CDYL2: variants seen among roughly 807,000 people sequenced by gnomAD.
CDYL2 encodes the protein chromodomain Y like 2.
A neutral mutation model predicts 49.4 loss-of-function variants in CDYL2; 23 were observed. The observed-to-expected ratio is 0.47, with a 90% CI of 0.34 to 0.66. CDYL2 has a LOEUF of 0.66. Ranked by LOEUF, CDYL2 falls within the 30% of genes least tolerant of loss-of-function variation. The pLI is 0.01. For missense variants in CDYL2, 678 were observed against 656.4 expected, an observed-to-expected ratio of 1.03 and a Z score of -0.36; for synonymous variants, 360 against 268.8, an observed-to-expected ratio of 1.34 and a Z score of -3.32.
intron 1 of CDYL2, among the ~76,000 whole-genome samples, chr16:80,738,279 G>A (rs1468348503): frequency 2.0e-5 from 3 of 152,236 alleles, no homozygotes; most frequent in East Asian, 1.9e-4. Flanking sequence ...GTGGGCATTC[G>A]GGTTGGTTAC....
chr16:80,733,216 CA>C (rs200992655), intron 1 of CDYL2, among the ~76,000 whole-genome samples: 103 of 152,026 alleles, frequency 6.8e-4, no homozygotes, highest in African/African-American at 2.2e-3. Context: ...AATCAGTGGT[CA>C]AAAAAAGCTC....
intron 1 of CDYL2, among the ~76,000 whole-genome samples, chr16:80,693,212 T>G (rs1910487237): frequency 6.6e-6 from 1 of 152,114 alleles, no homozygotes; most frequent in Non-Finnish European, 1.5e-5. Flanking sequence ...ATAATTGGAT[T>G]TGCGTGGTGA....
At chr16:80,730,673 C>A (rs1454596989) in intron 1 of CDYL2, among the ~76,000 whole-genome samples, 5 of 152,178 alleles carry the variant, frequency 3.3e-5, no homozygotes, top group Non-Finnish European at 5.9e-5. Context: ...AGACCAATAC[C>A]CTTGATGAAC....
At chr16:80,770,225 T>C (rs1906861332) in intron 1 of CDYL2, among the ~76,000 whole-genome samples, 1 of 152,194 alleles carries the variant, frequency 6.6e-6, no homozygotes, top group African/African-American at 2.4e-5. Flanking sequence ...CATATAATCC[T>C]GAAGGACTTT....
intron 1 of CDYL2, among the ~76,000 whole-genome samples, chr16:80,705,835 G>C (rs535253822): frequency 6.6e-6 from 1 of 152,372 alleles, no homozygotes; most frequent in East Asian, 1.9e-4. Flanking sequence ...GATTTGGCCT[G>C]TGGCCATAGT....
chr16:80,612,545 T>C lies in CDYL2; in HGVS notation c.1218+81A>G. Reference sequence around the variant, plus strand: ...CAGGCTGACAACACCCTCAGGTTTCTAGCCCCATGAAGAGCCCCTAAACCC... The same window carrying C: ...CAGGCTGACAACACCCTCAGGTTTCCAGCCCCATGAAGAGCCCCTAAACCC... On this transcript the variant is annotated intron_variant, in intron 5 of 6. Transcript: ENST00000570137. This position sits in a 1 kb window ranked among gnomAD's most constrained non-coding sequence, Gnocchi z 5.0. 7.2e-7 allele frequency: 1 copy of C among 1,380,206 alleles called. No homozygotes were observed. Among genetic ancestry groups the C allele is most frequent in the Admixed American group, 2.2e-5 (1 of 44,506 alleles). 85.5% of individuals were successfully genotyped at this position (1,380,206 alleles called of 1,614,324 possible).
intron 2 of CDYL2, chr16:80,679,678 T>C (rs1909896059): frequency 2.2e-6 from 1 of 455,952 alleles, no homozygotes; most frequent in East Asian, 6.9e-5. Context: ...TACAAAGTCT[T>C]ATGAATGCCA....
At chr16:80,708,783 A>G (rs1223939090) in intron 1 of CDYL2, among the ~76,000 whole-genome samples, 3 of 152,220 alleles carry the variant, frequency 2.0e-5, no homozygotes, top group Admixed American at 1.3e-4. Flanking sequence ...AGAAAGTACT[A>G]GAAGCTTATT....
intron 5 of CDYL2, among the ~76,000 whole-genome samples, chr16:80,609,299 C>A (rs1391508379): frequency 6.6e-6 from 1 of 152,186 alleles, no homozygotes; most frequent in Non-Finnish European, 1.5e-5. Context: ...CCGGCAACGC[C>A]TTCCCCACCT....
chr16:80,709,073 G>T (rs1904500313), intron 1 of CDYL2, among the ~76,000 whole-genome samples: 1 of 152,184 alleles, frequency 6.6e-6, no homozygotes, highest in Admixed American at 6.5e-5. Flanking sequence ...AGGCAGGACT[G>T]CCTTCTCCTG....
intron 2 of CDYL2, among the ~76,000 whole-genome samples, chr16:80,663,461 T>C (rs1909132099): frequency 6.6e-6 from 1 of 152,174 alleles, no homozygotes; most frequent in East Asian, 1.9e-4. Flanking sequence ...TTAACTGTCA[T>C]CTGGCATGTT....
intron 1 of CDYL2, among the ~76,000 whole-genome samples, chr16:80,785,806 C>A (rs943540929): frequency 6.6e-6 from 1 of 152,100 alleles, no homozygotes; most frequent in Admixed American, 6.5e-5. Flanking sequence ...AGAAATAACA[C>A]CACACATCTA....
At chr16:80,707,826 TG>T (rs1490342788) in intron 1 of CDYL2, among the ~76,000 whole-genome samples, 1 of 152,222 alleles carries the variant, frequency 6.6e-6, no homozygotes, top group African/African-American at 2.4e-5. Context: ...GTGCTTCAAG[TG>T]GCCTGTAATA....
rs963636564 is a variant in CDYL2 at position 80,602,459 on chromosome 16, G to A, written c.*1929C>T. On this transcript the variant is annotated 3_prime_UTR_variant, in exon 7 of 7. Coordinates refer to ENST00000570137, the MANE Select transcript of CDYL2 (RefSeq NM_152342.4). ...GACCAGCAGTCCAGATTAACTTGAGGGTCACTGCTTAAAGGACCATGTCTC... is the reference window on the plus strand; with the variant it reads ...GACCAGCAGTCCAGATTAACTTGAGAGTCACTGCTTAAAGGACCATGTCTC... The A allele has an allele frequency of 1.3e-5, 2 of 152,124 alleles. No homozygotes were observed. Among genetic ancestry groups the A allele is most frequent in the African/African-American group, 4.8e-5 (2 of 41,412 alleles). 9.4% of individuals were successfully genotyped at this position (152,124 alleles called of 1,614,324 possible). A position where few individuals can be genotyped will look rare whatever the true frequency, so the allele number is the denominator to read the frequency against.
chr16:80,692,403 G>T (rs528275883), intron 1 of CDYL2, among the ~76,000 whole-genome samples: 36 of 152,274 alleles, frequency 2.4e-4, no homozygotes, highest in African/African-American at 8.4e-4. Flanking sequence ...TGGTCCTTCA[G>T]ATGAGAACGG....
chr16:80,703,942 C>T (rs748835154), intron 1 of CDYL2, among the ~76,000 whole-genome samples: 3 of 152,210 alleles, frequency 2.0e-5, no homozygotes, highest in South Asian at 2.1e-4. Flanking sequence ...GTGCGCCCAT[C>T]ACCACACTGC....
chr16:80,774,987 T>C (rs1192127098), intron 1 of CDYL2, among the ~76,000 whole-genome samples: 1 of 151,892 alleles, frequency 6.6e-6, no homozygotes, highest in Admixed American at 6.6e-5. Context: ...ATAGATTATA[T>C]CACCAAAAAG....
At chr16:80,673,006 C>T (rs975525349) in intron 2 of CDYL2, among the ~76,000 whole-genome samples, 1 of 152,180 alleles carries the variant, frequency 6.6e-6, no homozygotes, top group African/African-American at 2.4e-5. Flanking sequence ...GGAGGAGCTG[C>T]TTGCTCCCAT....
intron 1 of CDYL2, among the ~76,000 whole-genome samples, chr16:80,713,066 A>T (rs149188857): frequency 8.7e-4 from 133 of 152,322 alleles, no homozygotes; most frequent in African/African-American, 3.0e-3. Context: ...GGTCCTCAGC[A>T]GCCCTGCTTA....
Sources: allele counts gnomAD v4.1 joint callset (sites outside exome capture counted in the v4.1 genomes callset), GRCh38; gene constraint gnomAD v4.1.1; non-coding constraint Gnocchi (gnomAD v3.1); transcripts MANE v1.5; gene names NCBI Gene and HGNC (gene_info 2026-07-23, HGNC 2026-07-21).